FYN: variants seen among roughly 807,000 people sequenced by gnomAD.
FYN encodes the protein tyrosine-protein kinase Fyn.
Under a neutral mutation model 70.2 loss-of-function variants are expected in FYN, and 10 were observed. That is an observed-to-expected ratio of 0.14 (90% CI 0.09 to 0.24). FYN has a LOEUF of 0.24. Ranked by LOEUF, FYN falls within the 10% of genes least tolerant of loss-of-function variation. The pLI is 1.00. For synonymous variants in FYN, 236 were observed against 248.6 expected, an observed-to-expected ratio of 0.95 and a Z score of 0.48; for missense variants, 319 against 673.1, an observed-to-expected ratio of 0.47 and a Z score of 5.82.
intron 13 of FYN, among the ~76,000 whole-genome samples, chr6:111,674,290 G>T (rs921649649): frequency 1.3e-5 from 2 of 152,168 alleles, no homozygotes; most frequent in Admixed American, 1.3e-4. Flanking sequence ...CATTAATCCT[G>T]GCACACAGTT....
intron 2 of FYN, among the ~76,000 whole-genome samples, chr6:111,801,169 G>A (rs888648850): frequency 3.3e-5 from 5 of 152,122 alleles, no homozygotes; most frequent in African/African-American, 4.8e-5. Flanking sequence ...TGCACCGCTG[G>A]CGATGCTGCA....
At chr6:111,747,215 G>T (rs1337069984) in intron 3 of FYN, among the ~76,000 whole-genome samples, 2 of 152,138 alleles carry the variant, frequency 1.3e-5, no homozygotes, top group East Asian at 3.9e-4. Context: ...AGTTTCCTAT[G>T]AGATACTTGC....
intron 12 of FYN, among the ~76,000 whole-genome samples, chr6:111,680,634 T>A (rs1163783268): frequency 6.6e-6 from 1 of 152,232 alleles, no homozygotes; most frequent in African/African-American, 2.4e-5. Context: ...CATCGTGACA[T>A]TTCAAGGCCC....
intron 13 of FYN, among the ~76,000 whole-genome samples, chr6:111,662,615 A>G (rs9320374): frequency 0.48 from 72,584 of 152,114 alleles, 17,898 homozygotes; most frequent in East Asian, 0.6. Context: ...TGACAACAAT[A>G]TATGAATAAA....
chr6:111,666,870 C>G (rs1798034524), intron 13 of FYN, among the ~76,000 whole-genome samples: 1 of 152,114 alleles, frequency 6.6e-6, no homozygotes, highest in Non-Finnish European at 1.5e-5. Flanking sequence ...TCCCTCTTTC[C>G]CAGAGCCTCC....
Position 111,856,766 on chromosome 6 carries a change from G to C in FYN, c.-122-10137C>G, listed in dbSNP as rs558758247. ...CCCGACACACAAGGTAAAAATATGA[G>C]ATGCATTTATGTTTTGAGAAAATTT... On this transcript the variant is annotated intron_variant, in intron 1 of 13. Coordinates refer to ENST00000354650, the MANE Select transcript of FYN (RefSeq NM_002037.5). 1.1e-4 allele frequency among the ~76,000 whole-genome samples: 16 copies of C among 151,914 alleles called. No homozygotes were observed. In the East Asian group the frequency reaches 2.3e-3, roughly 22 times the overall value.
At chr6:111,798,754 G>A (rs989148935) in intron 2 of FYN, among the ~76,000 whole-genome samples, 8 of 152,306 alleles carry the variant, frequency 5.3e-5, no homozygotes, top group East Asian at 3.9e-4. Context: ...GACCCAGTTC[G>A]TGGCACTGTG....
At chr6:111,777,706 C>A (rs1329406526) in intron 3 of FYN, among the ~76,000 whole-genome samples, 1 of 152,140 alleles carries the variant, frequency 6.6e-6, no homozygotes, top group Non-Finnish European at 1.5e-5. Flanking sequence ...CTTGGCATGG[C>A]CAGAAAAAAG....
At chr6:111,846,917 TACAC>T (rs547328770) in intron 1 of FYN, among the ~76,000 whole-genome samples, 7 of 151,520 alleles carry the variant, frequency 4.6e-5, no homozygotes, top group Admixed American at 1.3e-4. Flanking sequence ...CACACACACA[TACAC>T]ACACACACAC....
intron 3 of FYN, among the ~76,000 whole-genome samples, chr6:111,737,389 C>T (rs543024478): frequency 3.0e-4 from 45 of 152,322 alleles, no homozygotes; most frequent in Middle Eastern, 3.4e-3. Context: ...GGCTATAAAT[C>T]GGGATCTCCA....
intron 3 of FYN, among the ~76,000 whole-genome samples, chr6:111,778,978 A>G (rs2128505678): frequency 6.6e-6 from 1 of 152,246 alleles, no homozygotes; most frequent in East Asian, 1.9e-4. Context: ...ACTAAGATAC[A>G]GAACAACTAT....
intron 6 of FYN, among the ~76,000 whole-genome samples, chr6:111,706,736 ATAACT>A (rs1338709075): frequency 6.6e-6 from 1 of 152,260 alleles, no homozygotes; most frequent in Non-Finnish European, 1.5e-5. Flanking sequence ...CATTATAAAA[ATAACT>A]TAAATATATA....
At chr6:111,766,645 G>A (rs983636404) in intron 3 of FYN, among the ~76,000 whole-genome samples, 1 of 152,164 alleles carries the variant, frequency 6.6e-6, no homozygotes, top group African/African-American at 2.4e-5. Context: ...GGCAGAAGGG[G>A]AAGCAATCAC....
At chr6:111,703,889 AG>A in intron 7 of FYN, 109 bp downstream of exon 7, 1 of 785,514 alleles carries the variant, frequency 1.3e-6, no homozygotes. Context: ...CAAGGCAGGG[AG>A]GGTATGTGCC....
chr6:111,699,573 A>G, intron 9 of FYN: 2 of 1,614,186 alleles, frequency 1.2e-6, no homozygotes, highest in Non-Finnish European at 1.7e-6. Flanking sequence ...ACAACGAACG[A>G]CGTGCAACTT....
intron 3 of FYN, among the ~76,000 whole-genome samples, chr6:111,764,114 T>G (rs1803113687): frequency 6.9e-6 from 1 of 144,894 alleles, no homozygotes; most frequent in Admixed American, 7.0e-5. Context: ...TTGCAGGGAG[T>G]CCAGTAGGCT....
At chr6:111,723,919 T>C (rs706905) in intron 3 of FYN, among the ~76,000 whole-genome samples, 59,319 of 152,048 alleles carry the variant, frequency 0.39, 16,419 homozygotes, top group African/African-American at 0.78. Flanking sequence ...AAATACCACA[T>C]GCCATGAACT....
At chr6:111,816,912 T>C (rs2114340910) in intron 2 of FYN, among the ~76,000 whole-genome samples, 1 of 152,198 alleles carries the variant, frequency 6.6e-6, no homozygotes, top group East Asian at 1.9e-4. Flanking sequence ...AGAGAGGAGT[T>C]TGCTGCTGCA....
intron 12 of FYN, among the ~76,000 whole-genome samples, chr6:111,688,688 C>T (rs533098692): frequency 6.6e-6 from 1 of 152,138 alleles, no homozygotes; most frequent in Non-Finnish European, 1.5e-5. Flanking sequence ...TGTGTATGCA[C>T]ATGCCTCAGT....
Sources: allele counts gnomAD v4.1 joint callset (sites outside exome capture counted in the v4.1 genomes callset), GRCh38; gene constraint gnomAD v4.1.1; transcripts MANE v1.5; gene names NCBI Gene and HGNC (gene_info 2026-07-23, HGNC 2026-07-21).